VPS13B: variants seen among roughly 807,000 people sequenced by gnomAD.
VPS13B encodes the protein vacuolar protein sorting 13 homolog B.
Under a neutral mutation model 426.4 loss-of-function variants are expected in VPS13B, and 285 were observed. The ratio of observed to expected loss-of-function variants is 0.67; its 90% CI spans 0.61 to 0.74. The LOEUF (loss-of-function observed/expected upper bound fraction) is 0.74. VPS13B is among the 30% of genes least tolerant of loss of function. The pLI is 0.00. For synonymous variants in VPS13B, 1,676 were observed against 1,676.4 expected (o/e 1.00, Z 0.01); for missense variants, 4,537 against 4,782.6 (o/e 0.95, Z 1.51).
At chr8:99,509,793 C>T (rs1480296648) in intron 28 of VPS13B, among the ~76,000 whole-genome samples, 2 of 152,096 alleles carry the variant, frequency 1.3e-5, no homozygotes, top group Non-Finnish European at 2.9e-5. Flanking sequence ...TCCTCTAATT[C>T]TATGCTGAGC....
Position 99,442,414 on chromosome 8 carries a change from C to T in VPS13B, c.3224C>T (p.Ser1075Phe). The T allele has an allele frequency of 6.2e-7, 1 of 1,613,644 alleles. No individual in the cohort carries two copies. The highest frequency in any genetic ancestry group is 8.5e-7 in the Non-Finnish European group (1 of 1,179,684). ...KHLTLQLEVQ[S>F]CCVFIPNDSL... is the part of the protein sequence containing the mutation. ...TTTCTTTTCTAGCTTGAAGTACAAT[C>T]TTGTTGTGTGTTTATTCCAAATGAT... The change falls in exon 23 of 62, where the codon TCT (serine) becomes TTT (phenylalanine). Residue 1075 changes from serine (S) to phenylalanine (F), a missense_variant. Physicochemically the swap from Ser to Phe is radical, Grantham distance 155. Transcript: ENST00000357162.
chr8:99,138,808 A>G (rs953079038), intron 12 of VPS13B, among the ~76,000 whole-genome samples: 9 of 152,180 alleles, frequency 5.9e-5, no homozygotes, highest in African/African-American at 2.2e-4. Flanking sequence ...CTCTTGTTCA[A>G]TATAATGTCT....
At chr8:99,334,917 A>G (rs1451613322) in intron 19 of VPS13B, among the ~76,000 whole-genome samples, 1 of 152,120 alleles carries the variant, frequency 6.6e-6, no homozygotes, top group Non-Finnish European at 1.5e-5. Context: ...TGATTGGAAT[A>G]GTTTCAGAAG....
chr8:99,434,374 C>T (rs974961990), intron 22 of VPS13B, among the ~76,000 whole-genome samples: 29 of 152,054 alleles, frequency 1.9e-4, no homozygotes, highest in South Asian at 6.2e-4. Context: ...ACTTTTATTG[C>T]GGCTTTTTGA....
rs563124923 is a variant in VPS13B at position 99,233,624 on chromosome 8, A to G, written c.2515+40567A>G. The G allele has an allele frequency of 3.4e-6, 4 of 1,178,320 alleles. No individual in the cohort carries two copies. The East Asian group carries it at 7.0e-5, about 21-fold the overall frequency. The allele number at this position is 1,178,320 out of a possible 1,614,324, so 73.0% of individuals were successfully genotyped here. On this transcript the variant is annotated intron_variant, in intron 17 of 61. Coordinates refer to ENST00000357162, the MANE Select transcript of VPS13B (RefSeq NM_152564.5). ...AAAGGCCTCACGCAGCTTCTTCATA[A>G]TCTCCATCTCAGCACTGGCATAGGC...
chr8:99,584,563 C>T (rs1270899744), intron 33 of VPS13B, among the ~76,000 whole-genome samples: 1 of 152,100 alleles, frequency 6.6e-6, no homozygotes, highest in African/African-American at 2.4e-5. Flanking sequence ...ATGGTCTCTG[C>T]CCTCTAGGCT....
At chr8:99,096,730 T>G (rs912440855) in intron 4 of VPS13B, among the ~76,000 whole-genome samples, 1 of 144,794 alleles carries the variant, frequency 6.9e-6, no homozygotes, top group Non-Finnish European at 1.5e-5. Flanking sequence ...CATTCCAGCC[T>G]GGGTGACAGA....
intron 39 of VPS13B, among the ~76,000 whole-genome samples, chr8:99,723,684 C>G (rs955987581): frequency 2.0e-5 from 3 of 152,116 alleles, no homozygotes; most frequent in African/African-American, 7.2e-5. Flanking sequence ...GGGACCCAGA[C>G]AGTAGCCTTG....
chr8:99,871,837 A>T, intron 61 of VPS13B, 140 bp downstream of exon 61: 2 of 1,502,750 alleles, frequency 1.3e-6, no homozygotes, highest in Non-Finnish European at 1.8e-6. Context: ...TACCCAGAGG[A>T]GGAAGTGTAG....
intron 55 of VPS13B, among the ~76,000 whole-genome samples, chr8:99,851,939 G>C (rs1196163674): frequency 1.3e-5 from 2 of 152,086 alleles, no homozygotes; most frequent in South Asian, 2.1e-4. Context: ...AGCAAGCAGG[G>C]AGACTAGTTA....
intron 33 of VPS13B, among the ~76,000 whole-genome samples, chr8:99,588,019 T>G (rs202200771): frequency 6.6e-5 from 10 of 151,840 alleles, no homozygotes; most frequent in Middle Eastern, 3.4e-3. Context: ...GGAAGGGATC[T>G]AGTTTCAGCT....
At chr8:99,763,893 A>G (rs550684397) in intron 39 of VPS13B, among the ~76,000 whole-genome samples, 2 of 152,310 alleles carry the variant, frequency 1.3e-5, no homozygotes, top group South Asian at 4.2e-4. Context: ...TCGTCCTTAC[A>G]GCATCTCATC....
intron 3 of VPS13B, among the ~76,000 whole-genome samples, chr8:99,078,717 G>A (rs1845273231): frequency 6.6e-6 from 1 of 152,158 alleles, no homozygotes; most frequent in Non-Finnish European, 1.5e-5. Flanking sequence ...CTTGGGTAGT[G>A]TGATGGCATT....
intron 31 of VPS13B, among the ~76,000 whole-genome samples, chr8:99,574,547 T>A (rs980243344): frequency 6.6e-6 from 1 of 152,228 alleles, no homozygotes; most frequent in African/African-American, 2.4e-5. Context: ...TTTCTGCATC[T>A]ATTGAGATAA....
intron 51 of VPS13B, among the ~76,000 whole-genome samples, chr8:99,827,220 G>C (rs1345373897): frequency 6.6e-6 from 1 of 152,084 alleles, no homozygotes; most frequent in African/African-American, 2.4e-5. Flanking sequence ...TGGTTGGTAG[G>C]CTATTAATTA....
At chr8:99,501,899 C>T (rs762139125) in intron 26 of VPS13B, 41 bp downstream of exon 26, 1 of 897,046 alleles carries the variant, frequency 1.1e-6, no homozygotes, top group Non-Finnish European at 1.5e-6. Context: ...TCCCTCTGTC[C>T]CTCCCTCCCT....
At chr8:99,398,314 G>A (rs1411915497) in intron 21 of VPS13B, among the ~76,000 whole-genome samples, 2 of 152,174 alleles carry the variant, frequency 1.3e-5, no homozygotes, top group Non-Finnish European at 2.9e-5. Context: ...AGGGAGTTCA[G>A]AAGCATGATT....
intron 2 of VPS13B, among the ~76,000 whole-genome samples, chr8:99,016,958 T>C (rs1316432226): frequency 6.6e-6 from 1 of 152,162 alleles, no homozygotes; most frequent in African/African-American, 2.4e-5. Context: ...TACTCTCAGT[T>C]TGTGGCTTGT....
chr8:99,159,130 G>A (rs1180378336), intron 15 of VPS13B, among the ~76,000 whole-genome samples: 1 of 152,200 alleles, frequency 6.6e-6, no homozygotes, highest in Non-Finnish European at 1.5e-5. Context: ...AGGCTTCCAT[G>A]GAGGAAGTAA....
Sources: gnomAD v4.1 joint callset for allele counts (sites outside exome capture counted in the v4.1 genomes callset) on GRCh38, gnomAD v4.1.1 for gene constraint, MANE v1.5 for transcripts, NCBI Gene and HGNC (gene_info 2026-07-23, HGNC 2026-07-21) for gene names.